The following CCDC102B variants were observed in gnomAD, a reference collection of about 807,000 sequenced individuals.
CCDC102B encodes coiled-coil domain-containing protein 102B.
CCDC102B carries 75 observed loss-of-function variants against 57.4 expected under a neutral mutation model. The observed-to-expected ratio is 1.31, with a 90% CI of 1.08 to 1.58. The LOEUF (loss-of-function observed/expected upper bound fraction) is 1.58. CCDC102B is among the 40% of genes most tolerant of loss of function. CCDC102B has a pLI of 0.00. For synonymous variants in CCDC102B, 206 were observed against 201.9 expected, an observed-to-expected ratio of 1.02 and a Z score of -0.17; for missense variants, 636 against 582.6, an observed-to-expected ratio of 1.09 and a Z score of -0.94.
At chr18:69,030,474 G>A (rs745804881) in intron 7 of CCDC102B, among the ~76,000 whole-genome samples, 3 of 152,092 alleles carry the variant, frequency 2.0e-5, no homozygotes, top group Non-Finnish European at 4.4e-5. Flanking sequence ...GAACTCAGAA[G>A]CTTAAATATA....
At chr18:68,936,262 C>A (rs897529753) in intron 6 of CCDC102B, among the ~76,000 whole-genome samples, 1 of 151,782 alleles carries the variant, frequency 6.6e-6, no homozygotes, top group Non-Finnish European at 1.5e-5. Flanking sequence ...TGTTGTATAG[C>A]GGTTATTCAG....
chr18:68,834,915 G>A (rs2037300477), intron 1 of CCDC102B, among the ~76,000 whole-genome samples: 2 of 151,778 alleles, frequency 1.3e-5, no homozygotes, highest in African/African-American at 2.4e-5. Flanking sequence ...TTTATGATCT[G>A]TAACTATATA....
At chr18:68,835,279 C>T (rs983379276) in intron 1 of CCDC102B, among the ~76,000 whole-genome samples, 1 of 152,082 alleles carries the variant, frequency 6.6e-6, no homozygotes, top group Non-Finnish European at 1.5e-5. Context: ...GTAGTGTTAT[C>T]TATGCTGTAA....
chr18:69,035,475 A>AAATTACGAT lies in CCDC102B; in HGVS notation c.1435-18551_1435-18543dup, dbSNP rs528584894. ...GACATTATAAGTTTTTGGATTCACA[A>AAATTACGAT]AATTACGATAATCTAATAGTTTCCA... On this transcript the variant is annotated intron_variant, in intron 7 of 7. Coordinates refer to ENST00000360242, the MANE Select transcript of CCDC102B (RefSeq NM_024781.3). Among the ~76,000 whole-genome samples the AAATTACGAT allele has an allele frequency of 6.4e-3, 980 of 152,198 alleles. 11 individuals are homozygous for AAATTACGAT. Among genetic ancestry groups the AAATTACGAT allele is most frequent in the African/African-American group, 0.022 (906 of 41,536 alleles).
intron 7 of CCDC102B, among the ~76,000 whole-genome samples, chr18:69,025,148 T>C (rs1307662331): frequency 6.6e-6 from 1 of 152,170 alleles, no homozygotes; most frequent in Non-Finnish European, 1.5e-5. Context: ...AAAAAAATTC[T>C]AATCGTGTGA....
chr18:68,884,832 A>C (rs1426461333), intron 5 of CCDC102B, among the ~76,000 whole-genome samples: 2 of 151,164 alleles, frequency 1.3e-5, no homozygotes, highest in African/African-American at 4.8e-5. Context: ...TGTACTGTAT[A>C]TGAGATTCAT....
rs1327666033 is a variant in CCDC102B, at chr18:68,904,786, C to CT, written c.1263+7360dup. 2.0e-5 allele frequency among the ~76,000 whole-genome samples: 3 copies of CT among 152,056 alleles called. No homozygotes were observed. In the East Asian group the frequency reaches 5.8e-4, roughly 29 times the overall value. ...TTATATGATTCTCTGCTGAAGCAAA[C>CT]TTAAGTGGATAAGGTTTTGCATATA... On this transcript the variant is annotated intron_variant, in intron 6 of 7. Transcript: ENST00000360242.
upstream of CCDC102B, among the ~76,000 whole-genome samples, chr18:68,797,067 C>T (rs183495280): frequency 7.6e-4 from 116 of 151,896 alleles, no homozygotes; most frequent in Middle Eastern, 3.4e-3. Context: ...GGGGAAAATC[C>T]GGACAGGAGG....
At chr18:68,878,346 C>A (rs1313883081) in intron 5 of CCDC102B, among the ~76,000 whole-genome samples, 2 of 152,174 alleles carry the variant, frequency 1.3e-5, no homozygotes, top group Admixed American at 1.3e-4. Flanking sequence ...GATCCACTCA[C>A]CTCGGCCTCC....
chr18:68,882,126 T>G (rs2039713356), intron 5 of CCDC102B, among the ~76,000 whole-genome samples: 1 of 152,212 alleles, frequency 6.6e-6, no homozygotes, highest in Admixed American at 6.5e-5. Context: ...AATGATAATT[T>G]GCATTGCAAA....
At chr18:69,020,325 A>C in intron 7 of CCDC102B, among the ~76,000 whole-genome samples, 1 of 152,260 alleles carries the variant, frequency 6.6e-6, no homozygotes, top group Admixed American at 6.5e-5. Context: ...TCATGCTTTA[A>C]GTAATCCATT....
Position 68,770,729 on chromosome 18 carries a change from G to C in CCDC102B, c.-66-52637G>C, listed in dbSNP as rs572086716. On this transcript the variant is annotated intron_variant, in intron 2 of 3. Coordinates refer to the CCDC102B transcript ENST00000578970. ...CATTGTTTTTAATAGGATGGTTGAT[G>C]CATTTTATTACAAGGAAGCCTGTGT... 1.2e-4 allele frequency among the ~76,000 whole-genome samples: 19 copies of C among 152,342 alleles called. No homozygotes were observed. The South Asian group carries it at 3.9e-3, about 32-fold the overall frequency.
At chr18:68,763,812 T>G (rs2144594155) in intron 2 of CCDC102B, among the ~76,000 whole-genome samples, 1 of 151,366 alleles carries the variant, frequency 6.6e-6, no homozygotes, top group African/African-American at 2.5e-5. Flanking sequence ...TTTTTCCCCT[T>G]GTGTTAACCT....
chr18:69,037,201 T>C (rs1423590849), intron 7 of CCDC102B, among the ~76,000 whole-genome samples: 5 of 151,968 alleles, frequency 3.3e-5, no homozygotes, highest in South Asian at 2.1e-4. Flanking sequence ...GCTGGACAGA[T>C]TATAAAGACA....
intron 4 of CCDC102B, among the ~76,000 whole-genome samples, chr18:68,861,921 A>T (rs1024621655): frequency 2.6e-5 from 4 of 152,218 alleles, no homozygotes; most frequent in Non-Finnish European, 5.9e-5. Context: ...TTAGATTAAA[A>T]ATGGAATAAT....
intron 6 of CCDC102B, among the ~76,000 whole-genome samples, chr18:68,969,853 A>G (rs1187226315): frequency 1.3e-5 from 2 of 152,106 alleles, no homozygotes; most frequent in Non-Finnish European, 2.9e-5. Context: ...GAAGCATGTA[A>G]TCAGAAATAT....
chr18:68,880,953 G>GGA (rs2039674175), intron 5 of CCDC102B, among the ~76,000 whole-genome samples: 1 of 152,170 alleles, frequency 6.6e-6, no homozygotes, highest in South Asian at 2.1e-4. Flanking sequence ...TTTCTGTGTA[G>GGA]TTAGCAATGA....
chr18:68,841,827 G>C (rs1279045999), intron 3 of CCDC102B, among the ~76,000 whole-genome samples: 1 of 152,018 alleles, frequency 6.6e-6, no homozygotes, highest in African/African-American at 2.4e-5. Flanking sequence ...CAGCCTCCTG[G>C]GCTCAAGCCA....
chr18:68,877,745 TG>T (rs2039505826), intron 5 of CCDC102B, among the ~76,000 whole-genome samples: 1 of 152,220 alleles, frequency 6.6e-6, no homozygotes, highest in African/African-American at 2.4e-5. Flanking sequence ...TGTTTTCCTA[TG>T]AACTGACACC....
Sources: allele counts gnomAD v4.1 joint callset (sites outside exome capture counted in the v4.1 genomes callset), GRCh38; gene constraint gnomAD v4.1.1; transcripts MANE v1.5; gene names NCBI Gene and HGNC (gene_info 2026-07-23, HGNC 2026-07-21).